Variants in PLEKHM3 observed in about 807,000 individuals in gnomAD.
PLEKHM3 encodes pleckstrin homology domain containing M3.
Under a neutral mutation model 81.8 loss-of-function variants are expected in PLEKHM3, and 45 were observed. That is an observed-to-expected ratio of 0.55 (90% CI 0.43 to 0.71). The LOEUF is 0.71. PLEKHM3 is among the 30% of genes least tolerant of loss of function. The pLI is 0.00. For missense variants in PLEKHM3, 788 were observed against 924.3 expected (o/e 0.85, Z 1.91); for synonymous variants, 352 against 356.4 (o/e 0.99, Z 0.14).
At chr2:207,853,167 G>T (rs989426413) in intron 7 of PLEKHM3, among the ~76,000 whole-genome samples, 1 of 152,312 alleles carries the variant, frequency 6.6e-6, no homozygotes, top group East Asian at 1.9e-4. Context: ...GATCATGTTT[G>T]TAATCCTAGC....
In PLEKHM3 at chr2:207,981,079, G is replaced by A. The variant is rs193270709; in HGVS notation, c.611-3493C>T. On this transcript the variant is annotated intron_variant, in intron 2 of 7. Coordinates refer to ENST00000427836, the MANE Select transcript of PLEKHM3 (RefSeq NM_001080475.3). Reference sequence around the variant, plus strand: ...GGAGGCAGAGGTTACAGTGAGCCGAGATTACGCCACTGCACTACAGCCTGG... The same window carrying A: ...GGAGGCAGAGGTTACAGTGAGCCGAAATTACGCCACTGCACTACAGCCTGG... Among the ~76,000 whole-genome samples the A allele has an allele frequency of 4.6e-4, 67 of 146,762 alleles. No individual in the cohort carries two copies. The East Asian group carries it at 6.4e-3, about 14-fold the overall frequency.
In PLEKHM3 at chr2:207,877,879, C is replaced by T. The variant is rs115663258; in HGVS notation, c.1951-16617G>A. 6.6e-3 allele frequency among the ~76,000 whole-genome samples: 1,010 copies of T among 152,220 alleles called. 12 individuals are homozygous for T. Among genetic ancestry groups the T allele is most frequent in the African/African-American group, 0.021 (882 of 41,522 alleles). On this transcript the variant is annotated intron_variant, in intron 6 of 7. Coordinates refer to ENST00000427836, the MANE Select transcript of PLEKHM3 (RefSeq NM_001080475.3). Reference sequence around the variant, plus strand: ...ATACTAATAATGACATCAACAACAACCACCACCATTCCCATAGCACTGACT... The same window carrying T: ...ATACTAATAATGACATCAACAACAATCACCACCATTCCCATAGCACTGACT...
chr2:207,872,309 C>T (rs190248975), intron 6 of PLEKHM3, among the ~76,000 whole-genome samples: 51 of 152,208 alleles, frequency 3.4e-4, no homozygotes, highest in Non-Finnish European at 4.4e-5. Context: ...CTAAATTAGC[C>T]CAGGTTTAGA....
chr2:207,939,797 G>T (rs985898773), intron 4 of PLEKHM3, among the ~76,000 whole-genome samples: 1 of 152,210 alleles, frequency 6.6e-6, no homozygotes, highest in Admixed American at 6.5e-5. Flanking sequence ...GGAGGCTTCT[G>T]TCTTCCTTCA....
At chr2:207,857,007 G>T (rs978636732) in intron 7 of PLEKHM3, among the ~76,000 whole-genome samples, 3 of 152,064 alleles carry the variant, frequency 2.0e-5, no homozygotes, top group African/African-American at 4.8e-5. Context: ...ACCTTGAGAA[G>T]AATGTATATT....
chr2:207,997,760 G>A (rs762955058), intron 2 of PLEKHM3, among the ~76,000 whole-genome samples: 1 of 152,174 alleles, frequency 6.6e-6, no homozygotes, highest in Non-Finnish European at 1.5e-5. Flanking sequence ...TTGGAGATGC[G>A]AGTCTGCAGC....
chr2:207,991,437 G>A (rs571175431), intron 2 of PLEKHM3, among the ~76,000 whole-genome samples: 3 of 152,278 alleles, frequency 2.0e-5, no homozygotes, highest in African/African-American at 4.8e-5. Context: ...GTTCAGGTAT[G>A]GGGGCAATAT....
chr2:207,842,209 C>G (rs994727195), intron 7 of PLEKHM3, among the ~76,000 whole-genome samples: 1 of 152,218 alleles, frequency 6.6e-6, no homozygotes, highest in Non-Finnish European at 1.5e-5. Context: ...GCTGGGATTA[C>G]AGGCATGAGC....
chr2:207,971,196 C>T (rs1247375909), intron 3 of PLEKHM3, among the ~76,000 whole-genome samples: 4 of 152,206 alleles, frequency 2.6e-5, no homozygotes, highest in African/African-American at 9.6e-5. Context: ...TACTCAATTG[C>T]AAGGTTTCTT....
intron 1 of PLEKHM3, among the ~76,000 whole-genome samples, chr2:208,008,759 C>T (rs1692591710): frequency 6.6e-6 from 1 of 152,236 alleles, no homozygotes; most frequent in Non-Finnish European, 1.5e-5. Context: ...CTTCTCATTT[C>T]TACCCACTTA....
chr2:207,898,895 CA>C (rs1286332054), intron 6 of PLEKHM3, among the ~76,000 whole-genome samples: 1 of 151,678 alleles, frequency 6.6e-6, no homozygotes, highest in Non-Finnish European at 1.5e-5. Flanking sequence ...GAACCTGTCT[CA>C]AAAAAATAAA....
chr2:207,908,363 A>G (rs1254887852), intron 6 of PLEKHM3, 151 bp downstream of exon 6: 1 of 752,620 alleles, frequency 1.3e-6, no homozygotes, highest in Non-Finnish European at 2.2e-6. Context: ...ATCTTTTTAT[A>G]CTAAGTTTTC....
At chr2:207,832,573 C>T (rs2092294376) in intron 7 of PLEKHM3, among the ~76,000 whole-genome samples, 1 of 151,790 alleles carries the variant, frequency 6.6e-6, no homozygotes, top group Non-Finnish European at 1.5e-5. Context: ...AGGTGGATCA[C>T]CTGAGGTCAG....
chr2:207,979,139 A>G (rs981636305), intron 2 of PLEKHM3, among the ~76,000 whole-genome samples: 1 of 152,204 alleles, frequency 6.6e-6, no homozygotes, highest in Non-Finnish European at 1.5e-5. Flanking sequence ...TTTACAAGTC[A>G]TGCCATCCGT....
At chr2:207,970,176 GA>G (rs964425735) in intron 3 of PLEKHM3, among the ~76,000 whole-genome samples, 2 of 151,806 alleles carry the variant, frequency 1.3e-5, no homozygotes, top group Admixed American at 6.6e-5. Context: ...AGCTTTGGGG[GA>G]AAAAATGCAG....
At chr2:207,994,399 A>C (rs1259767400) in intron 2 of PLEKHM3, among the ~76,000 whole-genome samples, 1 of 152,244 alleles carries the variant, frequency 6.6e-6, no homozygotes, top group Non-Finnish European at 1.5e-5. Flanking sequence ...AGAACAGATG[A>C]CAGTGATGCA....
At chr2:207,879,815 A>C (rs1203334425) in intron 6 of PLEKHM3, among the ~76,000 whole-genome samples, 1 of 152,200 alleles carries the variant, frequency 6.6e-6, no homozygotes, top group East Asian at 1.9e-4. Context: ...TTGATTGTGA[A>C]AAGCATTTTA....
chr2:207,996,663 A>G (rs1692131249), intron 2 of PLEKHM3, among the ~76,000 whole-genome samples: 1 of 152,222 alleles, frequency 6.6e-6, no homozygotes, highest in Admixed American at 6.5e-5. Context: ...ATCACAAATC[A>G]GTATGAGAGA....
intron 2 of PLEKHM3, among the ~76,000 whole-genome samples, chr2:207,981,382 C>T (rs1484692586): frequency 6.6e-6 from 1 of 152,162 alleles, no homozygotes; most frequent in East Asian, 1.9e-4. Flanking sequence ...CTTGCACTGT[C>T]ACCAAGGCTG....
Sources: allele counts gnomAD v4.1 joint callset (sites outside exome capture counted in the v4.1 genomes callset), GRCh38; gene constraint gnomAD v4.1.1; transcripts MANE v1.5; gene names NCBI Gene and HGNC (gene_info 2026-07-23, HGNC 2026-07-21).